SHPRH: variants seen among roughly 807,000 people sequenced by gnomAD.
The protein encoded by SHPRH is SNF2 histone linker PHD RING helicase, also known as E3 ubiquitin-protein ligase SHPRH.
In SHPRH, 106 loss-of-function variants were observed where a neutral mutation model predicts 202.5. That is an observed-to-expected ratio of 0.52 (90% confidence interval 0.45 to 0.62). The LOEUF (loss-of-function observed/expected upper bound fraction) is 0.62. Ranked by LOEUF, SHPRH falls within the 20% of genes least tolerant of loss-of-function variation. SHPRH has a pLI of 0.00. For synonymous variants in SHPRH, 729 were observed against 686.0 expected, an observed-to-expected ratio of 1.06 and a Z score of -0.98; for missense variants, 1,710 against 2,020.0, an observed-to-expected ratio of 0.85 and a Z score of 2.94.
chr6:145,915,026 G>A (rs1783825200), intron 23 of SHPRH, among the ~76,000 whole-genome samples: 1 of 149,936 alleles, frequency 6.7e-6, no homozygotes, highest in Non-Finnish European at 1.5e-5. Context: ...TTCCTCTGAA[G>A]GAATCTTAAA....
At chr6:145,863,474 G>C (rs765288772), downstream of SHPRH, among the ~76,000 whole-genome samples, 1 of 152,212 alleles carries the variant, frequency 6.6e-6, no homozygotes, top group Non-Finnish European at 1.5e-5. Context: ...ACTATTTTAA[G>C]TGATCTGGAT....
chr6:145,865,369 G>A (rs1299293350), intron 2 of SHPRH, among the ~76,000 whole-genome samples: 1 of 152,216 alleles, frequency 6.6e-6, no homozygotes, highest in African/African-American at 2.4e-5. Context: ...TAGATGAAAA[G>A]ATGGTTGCTA....
intron 1 of SHPRH, among the ~76,000 whole-genome samples, chr6:145,961,030 C>G (rs929481642): frequency 6.6e-6 from 1 of 152,154 alleles, no homozygotes; most frequent in East Asian, 1.9e-4. Context: ...GTTGATCTGA[C>G]AGGAGGCACA....
At chr6:145,921,605 A>G (rs549923478) in intron 20 of SHPRH, among the ~76,000 whole-genome samples, 36 of 152,016 alleles carry the variant, frequency 2.4e-4, no homozygotes, top group African/African-American at 6.7e-4. Context: ...TTCATTTGCC[A>G]TAACAACACA....
intron 2 of SHPRH, among the ~76,000 whole-genome samples, chr6:145,875,248 ATT>A (rs1286339710): frequency 6.6e-6 from 1 of 152,184 alleles, no homozygotes; most frequent in Non-Finnish European, 1.5e-5. Context: ...TTCTGGAAAC[ATT>A]TTTGGTTGTC....
chr6:145,940,935 A>T, intron 10 of SHPRH, 134 bp from the exon 11 acceptor site: 1 of 786,974 alleles, frequency 1.3e-6, no homozygotes, highest in Non-Finnish European at 2.1e-6. Context: ...TTTATTTAAC[A>T]GTTATCACAC....
chr6:145,864,900 T>A (rs1198864039), intron 2 of SHPRH, among the ~76,000 whole-genome samples: 2 of 151,612 alleles, frequency 1.3e-5, no homozygotes, highest in African/African-American at 4.8e-5. Context: ...TTCTTCAGCC[T>A]AGTAATTTGA....
chr6:145,907,123 G>A (rs1783033079), intron 25 of SHPRH: 1 of 151,980 alleles, frequency 6.6e-6, no homozygotes, highest in African/African-American at 2.4e-5. Flanking sequence ...GATGTCTTAG[G>A]CACCTTAAAT....
intron 2 of SHPRH, among the ~76,000 whole-genome samples, chr6:145,874,089 T>C (rs1780188200): frequency 6.6e-6 from 1 of 151,964 alleles, no homozygotes; most frequent in South Asian, 2.1e-4. Flanking sequence ...TCCCAGCTAC[T>C]TGGGAGGCTG....
chr6:145,948,282 A>G lies in SHPRH; in HGVS notation c.1051T>C (p.Tyr351His). The change falls in exon 5 of 30, where the codon TAT becomes CAT. Residue 351 changes from tyrosine to histidine, a missense_variant. Around this residue, in one of 8 missense-constraint regions of SHPRH, gnomAD observed 459 missense variants for 426.5 expected, o/e 1.08. Coordinates refer to ENST00000275233, the MANE Select transcript of SHPRH (RefSeq NM_001042683.3). ...SEGLKLYYNP[Y>H]TGCIIREYPN... ...AAAATTTTGCCTTACCAGCCTGTAT[A>G]TGGATTATAGTAGAGTTTCAGACCC... is the stretch of plus-strand genomic sequence containing the variant. 2 of 1,592,632 alleles carry G rather than the reference A, an allele frequency of 1.3e-6. No individual in the cohort carries two copies. The highest frequency in any genetic ancestry group is 1.7e-6 in the Non-Finnish European group (2 of 1,169,436).
chr6:145,933,137 T>C lies in SHPRH; in HGVS notation c.3032A>G (p.Lys1011Arg). The C allele has an allele frequency of 6.2e-7, 1 of 1,613,950 alleles. No homozygotes were observed. The highest frequency in any genetic ancestry group is 8.5e-7 in the Non-Finnish European group (1 of 1,179,914). ...MEELLTSLQK[K>R]CGTECEEAHR... ...TGCTTCTTCACATTCAGTTCCACAT[T>C]TCTTCTGCAAAGATGTCAGCAGCTC... The change falls in exon 14 of 30, where the codon AAA (lysine) becomes AGA (arginine). Residue 1011 changes from lysine (K) to arginine (R), a missense_variant. By Grantham distance (26) the Lys-to-Arg change is conservative. Coordinates refer to ENST00000275233, the MANE Select transcript of SHPRH (RefSeq NM_001042683.3).
chr6:145,883,012 G>A (rs532967161), downstream of SHPRH, among the ~76,000 whole-genome samples: 11 of 152,212 alleles, frequency 7.2e-5, no homozygotes, highest in South Asian at 1.9e-3. Flanking sequence ...GGCTATCTAC[G>A]GGGGTGTGGA....
At chr6:145,946,097 T>C in intron 7 of SHPRH, 136 bp downstream of exon 7, 2 of 601,148 alleles carry the variant, frequency 3.3e-6, no homozygotes, top group Non-Finnish European at 5.3e-6. Context: ...GACTTGTAAT[T>C]GAATTCATTT....
chr6:145,958,925 T>A (rs1211243304), intron 1 of SHPRH, among the ~76,000 whole-genome samples: 1 of 152,130 alleles, frequency 6.6e-6, no homozygotes, highest in Non-Finnish European at 1.5e-5. Context: ...CTCCACCTCC[T>A]GGGTTCATGC....
At chr6:145,949,054 C>CA (rs892222993) in intron 4 of SHPRH, among the ~76,000 whole-genome samples, 1 of 151,600 alleles carries the variant, frequency 6.6e-6, no homozygotes, top group Admixed American at 6.6e-5. Flanking sequence ...ATTAAAAATT[C>CA]AAAAAACTAT....
rs201883584 is a variant in SHPRH, at chr6:145,910,466, C to T, written c.4497G>A (p.Glu1499=). Residue 1499 remains glutamate, a synonymous_variant, in exon 25 of 30, where the codon GAG becomes GAA. Coordinates refer to ENST00000275233, the MANE Select transcript of SHPRH (RefSeq NM_001042683.3). The part of the protein sequence containing the change: ...YVFTSEKANQ[E]EDIPVKGSHS... ...ACTTTACCTTCACAGGGATGTCCTC[C>T]TCCTGGTTTGCTTTCTCTGAGGTAA... 1,361 of 1,612,884 alleles carry T rather than the reference C, an allele frequency of 8.4e-4. 9 individuals carry two copies. In the Middle Eastern group the frequency reaches 0.02, roughly 24 times the overall value.
intron 10 of SHPRH, 25 bp downstream of exon 10, chr6:145,941,598 C>A: frequency 6.2e-7 from 1 of 1,611,072 alleles, no homozygotes; most frequent in Non-Finnish European, 8.5e-7. Flanking sequence ...CCCCAGCCCT[C>A]AAAAGATTTT....
Position 145,893,289 on chromosome 6 carries a change from G to C in SHPRH, c.4800C>G (p.Leu1600=), listed in dbSNP as rs1781725831. The change falls in exon 28 of 30, where the codon CTC becomes CTG. Residue 1600 remains leucine (L), a synonymous_variant. Coordinates refer to ENST00000275233, the MANE Select transcript of SHPRH (RefSeq NM_001042683.3). ...CAGGGTTCAATATGGGCTCCACCAAGAGAACATGAGTTGCTTCAATGATAG... is the reference window on the plus strand; with the variant it reads ...CAGGGTTCAATATGGGCTCCACCAACAGAACATGAGTTGCTTCAATGATAG... The part of the protein sequence containing the change: ...GLTIIEATHV[L]LVEPILNPAH... 1 of 1,605,832 alleles carries C rather than the reference G, an allele frequency of 6.2e-7. No individual in the cohort carries two copies. The highest frequency in any genetic ancestry group is 8.5e-7 in the Non-Finnish European group (1 of 1,176,502).
Position 145,926,484 on chromosome 6 carries a change from G to C in SHPRH, c.3202-188C>G, listed in dbSNP as rs116959258. On this transcript the variant is annotated intron_variant, in intron 15 of 29. Coordinates refer to ENST00000275233, the MANE Select transcript of SHPRH (RefSeq NM_001042683.3). ...CTCAAGGGCAGGGTGTTAAGGTCTA[G>C]GACCTGCCTTTTGTAACCCTTATCC... Among the ~76,000 whole-genome samples, 639 of 151,970 alleles carry C rather than the reference G, an allele frequency of 4.2e-3. 18 individuals carry two copies. The East Asian group carries it at 0.071, about 17-fold the overall frequency.
Sources: allele counts gnomAD v4.1 joint callset (sites outside exome capture counted in the v4.1 genomes callset), GRCh38; gene constraint gnomAD v4.1.1; regional missense constraint gnomAD v4.1.1; transcripts MANE v1.5; gene names NCBI Gene and HGNC (gene_info 2026-07-23, HGNC 2026-07-21).